The following TAFA4 variants were observed in gnomAD, a reference collection of about 807,000 sequenced individuals.
TAFA4 encodes TAFA chemokine like family member 4.
TAFA4 carries 20 observed loss-of-function variants against 21.1 expected under a neutral mutation model. The observed-to-expected ratio is 0.95, with a 90% confidence interval of 0.67 to 1.38. The LOEUF (loss-of-function observed/expected upper bound fraction) is 1.38. Among genes scored for constraint, TAFA4 ranks in the 40% most tolerant of loss-of-function variants. The pLI, the probability that TAFA4 is intolerant of heterozygous loss-of-function variation, is 0.00. For missense variants in TAFA4, 211 were observed against 180.9 expected, an observed-to-expected ratio of 1.17 and a Z score of -0.95; for synonymous variants, 71 against 67.4, an observed-to-expected ratio of 1.05 and a Z score of -0.26.
intron 3 of TAFA4, among the ~76,000 whole-genome samples, chr3:68,783,679 G>C (rs984072929): frequency 2.5e-5 from 3 of 118,382 alleles, no homozygotes; most frequent in South Asian, 3.2e-4. Flanking sequence ...CACACAGAGA[G>C]AGAGAGAGAG....
intron 5 of TAFA4, among the ~76,000 whole-genome samples, chr3:68,735,218 A>G (rs531828651): frequency 2.0e-5 from 3 of 152,224 alleles, no homozygotes; most frequent in Admixed American, 6.5e-5. Context: ...GGAGGCAGCA[A>G]TGGTATGGGG....
intron 3 of TAFA4, among the ~76,000 whole-genome samples, chr3:68,782,225 G>A (rs1703167209): frequency 1.3e-5 from 2 of 152,036 alleles, no homozygotes; most frequent in Non-Finnish European, 2.9e-5. Flanking sequence ...ATACCAAATG[G>A]TCGAGAAGCA....
intron 3 of TAFA4, among the ~76,000 whole-genome samples, 189 bp downstream of exon 3, chr3:68,880,541 A>G (rs992221651): frequency 7.9e-5 from 12 of 152,206 alleles, no homozygotes; most frequent in Non-Finnish European, 5.9e-5. Flanking sequence ...AAAAGCCTGA[A>G]AAATATTTTT....
chr3:68,753,501 AATTTTT>A (rs1450417880), intron 3 of TAFA4, among the ~76,000 whole-genome samples: 1 of 151,976 alleles, frequency 6.6e-6, no homozygotes, highest in Non-Finnish European at 1.5e-5. Flanking sequence ...ATGCCCAGGT[AATTTTT>A]ATATTTTTAG....
In TAFA4 at chr3:68,873,379, C is replaced by CG. The variant is rs2089511147; in HGVS notation, c.130+7350_130+7351insC. On this transcript the variant is annotated intron_variant, in intron 3 of 5. Transcript: ENST00000295569. Reference sequence around the variant, plus strand: ...ACACACACACACACACACACACACCCTGGGCCAGAAAAATGCTGACCTAGC... The same window carrying CG: ...ACACACACACACACACACACACACCCGTGGGCCAGAAAAATGCTGACCTAGC... Among the ~76,000 whole-genome samples, 5 of 143,570 alleles carry CG rather than the reference C, an allele frequency of 3.5e-5. No individual in the cohort carries two copies. In the Admixed American group the frequency reaches 3.7e-4, roughly 11 times the overall value. 94.2% of individuals were successfully genotyped at this position (143,570 alleles called of 152,430 possible).
rs148819255 is a variant in TAFA4, at chr3:68,890,754, T to C, written c.-122-5444A>G. On this transcript the variant is annotated intron_variant, in intron 1 of 5. Transcript: ENST00000295569. ...TCCAAAAAATACCAGTCCCTTTTCA[T>C]GCTTTAGTAAACAGGAGGAAAATAA... is the stretch of plus-strand genomic sequence containing the variant. Among the ~76,000 whole-genome samples, 161 of 152,338 alleles carry C rather than the reference T, an allele frequency of 1.1e-3. No homozygotes were observed. The Middle Eastern group carries it at 0.014, about 13-fold the overall frequency.
intron 3 of TAFA4, among the ~76,000 whole-genome samples, chr3:68,815,508 T>G (rs1559530863): frequency 6.6e-6 from 1 of 152,120 alleles, no homozygotes; most frequent in Non-Finnish European, 1.5e-5. Context: ...GCAAAGGATA[T>G]GAACAGACAC....
In TAFA4 at chr3:68,752,924, C is replaced by A; in HGVS notation, c.225G>T (p.Lys75Asn). 1 of 1,614,118 alleles carries A rather than the reference C, an allele frequency of 6.2e-7. No individual in the cohort carries two copies. Among genetic ancestry groups the A allele is most frequent in the Non-Finnish European group, 8.5e-7 (1 of 1,180,036 alleles). Residue 75 changes from lysine to asparagine, a missense_variant, in exon 4 of 6, where the codon AAG becomes AAT. Physicochemically the swap from Lys to Asn is moderately conservative, Grantham distance 94 (BLOSUM62 0). Coordinates refer to ENST00000295569, the MANE Select transcript of TAFA4 (RefSeq NM_182522.5). ...CCACCTGTCCCGGGAAGCAAGAGCA[C>A]TTGACCGTTTGTGACCGCTCTTCTA... ...NRIEERSQTV[K>N]CSCFPGQVAG...
At chr3:68,735,743 GA>G (rs1702230697) in intron 5 of TAFA4, among the ~76,000 whole-genome samples, 1 of 151,906 alleles carries the variant, frequency 6.6e-6, no homozygotes, top group Non-Finnish European at 1.5e-5. Context: ...TAGAAACTTT[GA>G]AAAACAAAAT....
intron 3 of TAFA4, among the ~76,000 whole-genome samples, chr3:68,773,549 C>T (rs539627233): frequency 1.0e-3 from 157 of 152,282 alleles, no homozygotes; most frequent in Admixed American, 2.0e-3. Flanking sequence ...CTGGAAGTTC[C>T]ATCCCTCTAA....
At chr3:68,898,450 C>G (rs2089813230) in intron 1 of TAFA4, among the ~76,000 whole-genome samples, 1 of 152,166 alleles carries the variant, frequency 6.6e-6, no homozygotes, top group Non-Finnish European at 1.5e-5. Context: ...GTCAGGAGAC[C>G]AGCCCGGCCA....
chr3:68,911,058 G>C (rs1467595345), intron 1 of TAFA4, among the ~76,000 whole-genome samples: 1 of 152,146 alleles, frequency 6.6e-6, no homozygotes, highest in Admixed American at 6.5e-5. Context: ...CTCTTCTGCT[G>C]AATTTACATT....
At chr3:68,746,698 G>T (rs1435099367) in intron 4 of TAFA4, among the ~76,000 whole-genome samples, 3 of 152,110 alleles carry the variant, frequency 2.0e-5, no homozygotes, top group African/African-American at 4.8e-5. Flanking sequence ...CACACATTCT[G>T]CAAGTAACAC....
intron 1 of TAFA4, among the ~76,000 whole-genome samples, chr3:68,916,862 C>T (rs954133286): frequency 6.6e-6 from 1 of 152,132 alleles, no homozygotes; most frequent in Non-Finnish European, 1.5e-5. Context: ...AGGGCTCTAC[C>T]CCTGGATTTT....
At chr3:68,821,339 T>TAAGAGAAAACAAGTCCTGAATGA (rs1559532888) in intron 3 of TAFA4, among the ~76,000 whole-genome samples, 13 of 29,122 alleles carry the variant, frequency 4.5e-4, no homozygotes, top group African/African-American at 5.7e-4. Context: ...TTTTTTTTTT[T>TAAGAGAAAACAAGTCCTGAATGA]TTTTTTTTTT....
At chr3:68,861,517 C>G (rs2089344187) in intron 3 of TAFA4, among the ~76,000 whole-genome samples, 1 of 151,940 alleles carries the variant, frequency 6.6e-6, no homozygotes, top group Admixed American at 6.6e-5. Flanking sequence ...GGAAGGGAGA[C>G]AGACACAAAT....
intron 2 of TAFA4, among the ~76,000 whole-genome samples, chr3:68,883,586 A>C (rs2089640371): frequency 6.6e-6 from 1 of 152,210 alleles, no homozygotes; most frequent in African/African-American, 2.4e-5. Context: ...ATAATGTCCC[A>C]CTGTTGGCAA....
chr3:68,735,951 G>A (rs1014750001), intron 5 of TAFA4, among the ~76,000 whole-genome samples: 1 of 152,046 alleles, frequency 6.6e-6, no homozygotes, highest in African/African-American at 2.4e-5. Context: ...CTCACAATGT[G>A]TGATGACCAG....
chr3:68,869,878 G>T (rs1164416800), intron 3 of TAFA4, among the ~76,000 whole-genome samples: 1 of 151,898 alleles, frequency 6.6e-6, no homozygotes, highest in African/African-American at 2.4e-5. Context: ...ACAAGAGAAA[G>T]AAATAAAGGG....
Sources: allele counts gnomAD v4.1 joint callset (sites outside exome capture counted in the v4.1 genomes callset), GRCh38; gene constraint gnomAD v4.1.1; transcripts MANE v1.5; gene names NCBI Gene and HGNC (gene_info 2026-07-23, HGNC 2026-07-21).